The following NCAM2 variants were observed in gnomAD, a reference collection of about 807,000 sequenced individuals.
NCAM2 encodes the protein neural cell adhesion molecule 2, also known as N-CAM-2.
Under a neutral mutation model 98.1 loss-of-function variants are expected in NCAM2, and 30 were observed. The observed-to-expected ratio is 0.31, with a 90% CI of 0.23 to 0.41. The LOEUF is 0.41. Among genes scored for constraint, NCAM2 ranks in the 10% least tolerant of loss-of-function variants. The probability of loss-of-function intolerance (pLI) is 1.00; values close to 1 mark genes in which losing one functional copy is unlikely to be tolerated. For synonymous variants in NCAM2, 368 were observed against 342.4 expected, an observed-to-expected ratio of 1.07 and a Z score of -0.83; for missense variants, 867 against 1,005.8, an observed-to-expected ratio of 0.86 and a Z score of 1.87.
intron 1 of NCAM2, among the ~76,000 whole-genome samples, chr21:21,085,402 AT>A (rs2065888052): frequency 6.6e-6 from 1 of 151,938 alleles, no homozygotes. Context: ...ATCTGCTCCG[AT>A]TATCTCTCCA....
intron 8 of NCAM2, among the ~76,000 whole-genome samples, chr21:21,347,862 CA>C (rs1352594921): frequency 6.6e-6 from 1 of 151,920 alleles, no homozygotes; most frequent in African/African-American, 2.4e-5. Context: ...GCATAAAAAC[CA>C]TATGATCATT....
chr21:21,319,094 G>A (rs1353321289), intron 5 of NCAM2, among the ~76,000 whole-genome samples: 1 of 152,000 alleles, frequency 6.6e-6, no homozygotes, highest in African/African-American at 2.4e-5. Flanking sequence ...GTCAGCTTGG[G>A]TGACAGAGGG....
At chr21:21,292,294 T>G in intron 5 of NCAM2, 53 bp downstream of exon 5, 1 of 1,556,332 alleles carries the variant, frequency 6.4e-7, no homozygotes, top group Non-Finnish European at 8.7e-7. Flanking sequence ...AGCAATGTTT[T>G]TTATTAAATG....
intron 1 of NCAM2, among the ~76,000 whole-genome samples, chr21:21,113,865 T>C (rs1206052092): frequency 2.0e-5 from 3 of 152,192 alleles, no homozygotes; most frequent in Non-Finnish European, 4.4e-5. Flanking sequence ...GTTTTTACTA[T>C]GGATATTTAT....
intron 13 of NCAM2, among the ~76,000 whole-genome samples, chr21:21,467,377 T>G (rs537168579): frequency 9.0e-5 from 12 of 133,648 alleles, no homozygotes; most frequent in African/African-American, 3.0e-4. Context: ...CTGATATATA[T>G]ATCTTTATAT....
chr21:21,349,077 A>G (rs2075266469), intron 8 of NCAM2, among the ~76,000 whole-genome samples: 1 of 152,154 alleles, frequency 6.6e-6, no homozygotes, highest in Non-Finnish European at 1.5e-5. Context: ...AAGCAAACGT[A>G]GACAAGTGGG....
intron 1 of NCAM2, among the ~76,000 whole-genome samples, chr21:21,262,837 T>A (rs1244291785): frequency 1.3e-5 from 2 of 151,660 alleles, no homozygotes; most frequent in East Asian, 3.9e-4. Context: ...TGGCAGAAGG[T>A]GAAAGTCAAG....
At chr21:21,343,481 A>G (rs1329428330) in intron 8 of NCAM2, among the ~76,000 whole-genome samples, 1 of 152,112 alleles carries the variant, frequency 6.6e-6, no homozygotes, top group African/African-American at 2.4e-5. Flanking sequence ...GAAGTGATAG[A>G]AAAAAATAGT....
At chr21:21,188,699 T>G (rs1360304853) in intron 1 of NCAM2, among the ~76,000 whole-genome samples, 1 of 152,180 alleles carries the variant, frequency 6.6e-6, no homozygotes, top group Non-Finnish European at 1.5e-5. Flanking sequence ...ATGACAAAAT[T>G]ACGTAATGCC....
intron 9 of NCAM2, among the ~76,000 whole-genome samples, chr21:21,381,041 A>G (rs1403608213): frequency 6.6e-6 from 1 of 152,222 alleles, no homozygotes; most frequent in Non-Finnish European, 1.5e-5. Context: ...TTTATGTGAA[A>G]TTAAAATGTG....
Position 21,431,042 on chromosome 21 carries a change from G to A in NCAM2, c.1481-1066G>A, listed in dbSNP as rs1187586649. On this transcript the variant is annotated intron_variant, in intron 11 of 17. Transcript: ENST00000400546. ...CAGCCTGGCCAGAAAACGAAACTCC[G>A]TCTCAAAAAAAAAAAAAAAAAAAAA... Among the ~76,000 whole-genome samples, 106 of 72,356 alleles carry A rather than the reference G, an allele frequency of 1.5e-3. 2 individuals carry two copies. In the Admixed American group the frequency reaches 0.018, roughly 12 times the overall value. The allele number at this position is 72,356 out of a possible 152,430, so 47.5% of individuals were successfully genotyped here.
intron 1 of NCAM2, among the ~76,000 whole-genome samples, chr21:21,072,190 G>A (rs1054350914): frequency 1.3e-5 from 2 of 152,118 alleles, no homozygotes; most frequent in Non-Finnish European, 2.9e-5. Context: ...GGGGTTACAG[G>A]CATGAGCCAC....
At chr21:21,385,314 T>G (rs1357795935) in intron 9 of NCAM2, among the ~76,000 whole-genome samples, 1 of 151,596 alleles carries the variant, frequency 6.6e-6, no homozygotes, top group African/African-American at 2.4e-5. Flanking sequence ...TTGTTATGCA[T>G]CATGGCCATC....
intron 12 of NCAM2, among the ~76,000 whole-genome samples, chr21:21,465,406 C>A (rs1256220678): frequency 6.6e-6 from 1 of 151,788 alleles, no homozygotes; most frequent in African/African-American, 2.4e-5. Flanking sequence ...CATAGTGAGA[C>A]CCCATCTCTA....
intron 11 of NCAM2, among the ~76,000 whole-genome samples, chr21:21,425,533 T>C (rs144340032): frequency 2.8e-4 from 43 of 152,220 alleles, no homozygotes; most frequent in African/African-American, 1.0e-3. Flanking sequence ...ATAATTTCCA[T>C]TGATATCTTG....
intron 1 of NCAM2, among the ~76,000 whole-genome samples, chr21:21,256,692 A>G (rs1230026773): frequency 6.6e-6 from 1 of 152,148 alleles, no homozygotes; most frequent in African/African-American, 2.4e-5. Context: ...AACTAAAAAA[A>G]CCCTTTACAA....
chr21:21,468,665 A>C lies in NCAM2; in HGVS notation c.1778A>C (p.Glu593Ala). The C allele has an allele frequency of 6.2e-7, 1 of 1,610,278 alleles. No homozygotes were observed. Among genetic ancestry groups the C allele is most frequent in the South Asian group, 1.1e-5 (1 of 90,606 alleles). ...AAATGTTGTATTGTATATCTAGGTG[A>C]ACCAAGTCCTCCATCCATACATGGA... ...IEIFQTLPVR[E>A]PSPPSIHGQP... is the part of the protein sequence containing the mutation. Residue 593 changes from glutamate (E) to alanine (A), a missense_variant, in exon 14 of 18, where the codon GAA (glutamate) becomes GCA (alanine). This residue lies in a region of NCAM2 where 234 missense variants were observed against 333.8 expected (regional missense o/e 0.70). Coordinates refer to ENST00000400546, the MANE Select transcript of NCAM2 (RefSeq NM_004540.5).
rs1296665131 is a variant in NCAM2, at chr21:21,508,839, T to C, written c.2078-12T>C. ...TTTTTTTTTTTTTTTTTTTTTTTTTTTACTTTTTAAGACACGCTGTTTAAT... is the reference window on the plus strand; with the variant it reads ...TTTTTTTTTTTTTTTTTTTTTTTTTCTACTTTTTAAGACACGCTGTTTAAT... On this transcript the variant is annotated splice_polypyrimidine_tract_variant and intron_variant, in intron 15 of 17. Coordinates refer to ENST00000400546, the MANE Select transcript of NCAM2 (RefSeq NM_004540.5). 1.7e-5 allele frequency: 17 copies of C among 1,018,248 alleles called. No homozygotes were observed. The highest frequency in any genetic ancestry group is 2.2e-5 in the Non-Finnish European group (17 of 779,156). The allele number at this position is 1,018,248 out of a possible 1,614,324, so 63.1% of individuals were successfully genotyped here.
chr21:21,351,953 T>C (rs2075353371), intron 8 of NCAM2, among the ~76,000 whole-genome samples: 1 of 152,158 alleles, frequency 6.6e-6, no homozygotes, highest in African/African-American at 2.4e-5. Context: ...TTTCACCATA[T>C]AGGCCAGGCT....
Sources: allele counts gnomAD v4.1 joint callset (sites outside exome capture counted in the v4.1 genomes callset), GRCh38; gene constraint gnomAD v4.1.1; regional missense constraint gnomAD v4.1.1; transcripts MANE v1.5; gene names NCBI Gene and HGNC (gene_info 2026-07-23, HGNC 2026-07-21).